Variants in TYW1B observed in about 807,000 individuals in gnomAD.
TYW1B encodes S-adenosyl-L-methionine-dependent tRNA 4-demethylwyosine synthase TYW1B.
TYW1B carries 73 observed loss-of-function variants against 86.9 expected under a neutral mutation model. The observed-to-expected ratio is 0.84, with a 90% CI of 0.70 to 1.02. The LOEUF is 1.02. TYW1B is among the 50% of genes least tolerant of loss of function. The probability of loss-of-function intolerance (pLI) is 0.00; values close to 1 mark genes in which losing one functional copy is unlikely to be tolerated. For missense variants in TYW1B, 637 were observed against 827.4 expected (o/e 0.77, Z 2.82); for synonymous variants, 248 against 292.8 (o/e 0.85, Z 1.56).
At chr7:72,749,952 C>G (rs566997034) in intron 7 of TYW1B, among the ~76,000 whole-genome samples, 95 of 139,870 alleles carry the variant, frequency 6.8e-4, no homozygotes, top group Admixed American at 2.3e-3. Context: ...ACTTTGTCAC[C>G]CATCATAGCT....
chr7:72,632,347 T>TATATATATACGC (rs1812528289), intron 11 of TYW1B, among the ~76,000 whole-genome samples: 1 of 103,876 alleles, frequency 9.6e-6, no homozygotes, highest in Admixed American at 1.1e-4. Context: ...GTATATATAT[T>TATATATATACGC]ATATATATTA....
At chr7:72,622,690 T>C (rs1554438177) in intron 12 of TYW1B, among the ~76,000 whole-genome samples, 1 of 150,742 alleles carries the variant, frequency 6.6e-6, no homozygotes, top group African/African-American at 2.4e-5. Context: ...CACATACACA[T>C]GCACACAACA....
intron 13 of TYW1B, among the ~76,000 whole-genome samples, chr7:72,592,438 A>G (rs1417355474): frequency 6.6e-6 from 1 of 152,230 alleles, no homozygotes; most frequent in African/African-American, 2.4e-5. Flanking sequence ...TAAATGTTTC[A>G]CTGCAAAGAA....
intron 6 of TYW1B, among the ~76,000 whole-genome samples, chr7:72,784,611 C>T (rs1554472154): frequency 6.6e-6 from 1 of 152,184 alleles, no homozygotes; most frequent in Non-Finnish European, 1.5e-5. Context: ...GATTCTCCTG[C>T]CTCAGTCTCC....
At chr7:72,601,306 T>C (rs1312589923) in intron 13 of TYW1B, among the ~76,000 whole-genome samples, 3 of 151,516 alleles carry the variant, frequency 2.0e-5, no homozygotes, top group Non-Finnish European at 2.9e-5. Flanking sequence ...GCAACAGCGA[T>C]ATGCCACTAC....
intron 8 of TYW1B, among the ~76,000 whole-genome samples, chr7:72,736,827 A>G (rs1468441628): frequency 6.6e-6 from 1 of 152,186 alleles, no homozygotes; most frequent in Non-Finnish European, 1.5e-5. Flanking sequence ...TTATTGACAG[A>G]TGACATTCCT....
intron 6 of TYW1B, among the ~76,000 whole-genome samples, chr7:72,798,668 T>A (rs1411973799): frequency 7.2e-5 from 11 of 152,118 alleles, no homozygotes; most frequent in Admixed American, 7.2e-4. Context: ...GATAAATGCA[T>A]ATGTGATTTT....
At chr7:72,764,979 C>T (rs1554468066) in intron 7 of TYW1B, among the ~76,000 whole-genome samples, 1 of 152,084 alleles carries the variant, frequency 6.6e-6, no homozygotes, top group African/African-American at 2.4e-5. Flanking sequence ...AATTCACAAA[C>T]GTTACTATTC....
At position 72,720,830 on chromosome 7, in the gene TYW1B, T is replaced by C. The variant is rs2960974; in HGVS notation, c.1193-7032A>G. On this transcript the variant is annotated intron_variant, in intron 9 of 13. Coordinates refer to ENST00000620995, the MANE Select transcript of TYW1B (RefSeq NM_001145440.3). ...TTGTTACATATGTAAACATGTGCCATGTTGGCGTGCTGCACCCGTTAACTC... is the reference window on the plus strand; with the variant it reads ...TTGTTACATATGTAAACATGTGCCACGTTGGCGTGCTGCACCCGTTAACTC... 2.6e-4 allele frequency among the ~76,000 whole-genome samples: 40 copies of C among 152,256 alleles called. 1 individual carries two copies. Among genetic ancestry groups the C allele is most frequent in the Admixed American group, 1.7e-3 (26 of 15,284 alleles).
intron 12 of TYW1B, among the ~76,000 whole-genome samples, chr7:72,619,000 T>C (rs1812148811): frequency 6.6e-6 from 1 of 152,202 alleles, no homozygotes; most frequent in Non-Finnish European, 1.5e-5. Flanking sequence ...CATTTCATAC[T>C]AACTCCCCCT....
chr7:72,717,301 G>GAA (rs78038647), intron 9 of TYW1B, among the ~76,000 whole-genome samples: 4 of 129,316 alleles, frequency 3.1e-5, no homozygotes, highest in African/African-American at 2.8e-5. Context: ...ACCCTGTCTG[G>GAA]AAAAAAAAAA....
intron 11 of TYW1B, among the ~76,000 whole-genome samples, chr7:72,664,262 T>C (rs1231022166): frequency 2.0e-5 from 3 of 152,176 alleles, no homozygotes; most frequent in African/African-American, 7.2e-5. Flanking sequence ...CTTTTTTTTT[T>C]CCAAATTAAT....
At position 72,826,813 on chromosome 7, in the gene TYW1B, C is replaced by T. The variant is rs552404093; in HGVS notation, c.135+42G>A. 128 of 1,591,790 alleles carry T rather than the reference C, an allele frequency of 8.0e-5. 1 individual carries two copies. The South Asian group carries it at 1.2e-3, about 15-fold the overall frequency. Reference sequence around the variant, plus strand: ...TTAGTGTTTAAATCCTCTATAAAATCTGATGCCTAAATACTCTATTAAAAA... The same window carrying T: ...TTAGTGTTTAAATCCTCTATAAAATTTGATGCCTAAATACTCTATTAAAAA... On this transcript the variant is annotated intron_variant, in intron 2 of 13. Coordinates refer to ENST00000620995, the MANE Select transcript of TYW1B (RefSeq NM_001145440.3).
chr7:72,710,289 C>G (rs1274387646), intron 10 of TYW1B, among the ~76,000 whole-genome samples: 1 of 152,180 alleles, frequency 6.6e-6, no homozygotes, highest in East Asian at 1.9e-4. Flanking sequence ...AAACACCACT[C>G]TATCCCAATG....
intron 10 of TYW1B, among the ~76,000 whole-genome samples, chr7:72,702,982 CTATCTATATATATA>C (rs1466377428): frequency 3.9e-4 from 4 of 10,158 alleles, no homozygotes; most frequent in African/African-American, 1.8e-3. Context: ...ATCTATCTAT[CTATCTATATATATA>C]TATATATATA....
chr7:72,681,978 G>T (rs1187236608), intron 11 of TYW1B, among the ~76,000 whole-genome samples: 19 of 149,986 alleles, frequency 1.3e-4, no homozygotes, highest in Non-Finnish European at 3.0e-5. Context: ...CCCGGGTTCA[G>T]GTGATTCTCC....
intron 7 of TYW1B, among the ~76,000 whole-genome samples, chr7:72,773,249 A>G (rs1351594436): frequency 6.6e-6 from 1 of 152,236 alleles, no homozygotes; most frequent in African/African-American, 2.4e-5. Flanking sequence ...CCAACAGTGT[A>G]CAGTTGCTGA....
intron 13 of TYW1B, among the ~76,000 whole-genome samples, chr7:72,606,790 C>A (rs533117351): frequency 0.018 from 2,621 of 149,020 alleles, 64 homozygotes; most frequent in African/African-American, 0.041. Flanking sequence ...GAGAGGGGAA[C>A]TGGACTTTTA....
At chr7:72,662,422 T>TAGATAGATAGATAG (rs1813352098) in intron 11 of TYW1B, among the ~76,000 whole-genome samples, 8 of 70,014 alleles carry the variant, frequency 1.1e-4, no homozygotes, top group Non-Finnish European at 1.6e-4. Context: ...TTTTAATATA[T>TAGATAGATAGATAG]ATATATAGAT....
Sources: gnomAD v4.1 joint callset for allele counts (sites outside exome capture counted in the v4.1 genomes callset) on GRCh38, gnomAD v4.1.1 for gene constraint, MANE v1.5 for transcripts, NCBI Gene and HGNC (gene_info 2026-07-23, HGNC 2026-07-21) for gene names.